Variants in RHOH observed in about 807,000 individuals in gnomAD.
RHOH encodes ras homolog family member H, also known as rho-related GTP-binding protein RhoH.
Under a neutral mutation model 13.8 loss-of-function variants are expected in RHOH, and 6 were observed. That is an observed-to-expected ratio of 0.44 (90% CI 0.24 to 0.86). The LOEUF (loss-of-function observed/expected upper bound fraction) is 0.86. Ranked by LOEUF, RHOH falls within the 40% of genes least tolerant of loss-of-function variation. The pLI, the probability that RHOH is intolerant of heterozygous loss-of-function variation, is 0.24. For missense variants in RHOH, 147 were observed against 244.5 expected (o/e 0.60, Z 2.66); for synonymous variants, 117 against 103.0 (o/e 1.14, Z -0.82).
At position 40,246,824 on chromosome 4, in the gene RHOH, C is replaced by G. The variant is rs1310760906; in HGVS notation, c.*2862C>G. On this transcript the variant is annotated 3_prime_UTR_variant, in exon 3 of 3. Coordinates refer to ENST00000381799, the MANE Select transcript of RHOH (RefSeq NM_004310.5). ...TGTGTTCTACATAAGCACATACTTA[C>G]TTTTGCCTGCCTAGATGCAGACACA... 6.6e-6 allele frequency: 1 copy of G among 152,218 alleles called. No individual in the cohort carries two copies. The highest frequency in any genetic ancestry group is 6.5e-5 in the Admixed American group (1 of 15,274). The allele number at this position is 152,218 out of a possible 1,614,324, so 9.4% of individuals were successfully genotyped here. A position where few individuals can be genotyped will look rare whatever the true frequency, so the allele number is the denominator to read the frequency against.
intron 1 of RHOH, among the ~76,000 whole-genome samples, chr4:40,229,462 C>A (rs1217900312): frequency 2.6e-5 from 4 of 151,710 alleles, no homozygotes; most frequent in Non-Finnish European, 4.4e-5. Context: ...ATGGAGAAAC[C>A]CCGTCTCTAC....
In RHOH at chr4:40,243,586, G is replaced by A. The variant is rs1729524941; in HGVS notation, c.200G>A (p.Ser67Asn). 1 of 1,614,178 alleles carries A rather than the reference G, an allele frequency of 6.2e-7. No individual in the cohort carries two copies. Among genetic ancestry groups the A allele is most frequent in the Non-Finnish European group, 8.5e-7 (1 of 1,180,032 alleles). ...ACAGCCGGCAATGACGCCTTCAGAA[G>A]CATCCGGCCCCTGTCCTACCAGCAG... ...WDTAGNDAFR[S>N]IRPLSYQQAD... The change falls in exon 3 of 3, where the codon AGC becomes AAC. Residue 67 changes from serine (S) to asparagine (N), a missense_variant. Physicochemically the swap from Ser to Asn is conservative, Grantham distance 46. Coordinates refer to ENST00000381799, the MANE Select transcript of RHOH (RefSeq NM_004310.5). This position sits in a 1 kb window ranked among gnomAD's most constrained non-coding sequence, Gnocchi z 6.2.
At chr4:40,216,180 G>C (rs537205793) in intron 1 of RHOH, among the ~76,000 whole-genome samples, 1 of 145,136 alleles carries the variant, frequency 6.9e-6, no homozygotes, top group African/African-American at 2.6e-5. Context: ...TAAGAAAATG[G>C]TTTTTAGGCC....
At chr4:40,207,693 A>G (rs1367513316) in intron 1 of RHOH, among the ~76,000 whole-genome samples, 1 of 152,210 alleles carries the variant, frequency 6.6e-6, no homozygotes, top group African/African-American at 2.4e-5. Context: ...GTGGCCGGGC[A>G]CTGTGGCTCA....
chr4:40,204,569 T>C (rs796406439), intron 1 of RHOH, among the ~76,000 whole-genome samples: 28 of 152,244 alleles, frequency 1.8e-4, no homozygotes, highest in African/African-American at 6.3e-4. Flanking sequence ...TCCTAGGGGA[T>C]ATAAGGACCC....
chr4:40,213,963 G>A (rs1190270502), intron 1 of RHOH, among the ~76,000 whole-genome samples: 1 of 152,106 alleles, frequency 6.6e-6, no homozygotes, highest in Non-Finnish European at 1.5e-5. Flanking sequence ...CACCATGTTG[G>A]CCAGACTGCT....
chr4:40,233,658 A>G (rs1232611775), intron 1 of RHOH, among the ~76,000 whole-genome samples: 1 of 152,244 alleles, frequency 6.6e-6, no homozygotes, highest in African/African-American at 2.4e-5. Flanking sequence ...GTCATAGGCA[A>G]CATGTCAATG....
At chr4:40,227,362 T>C (rs1363381175) in intron 1 of RHOH, among the ~76,000 whole-genome samples, 1 of 152,218 alleles carries the variant, frequency 6.6e-6, no homozygotes, top group East Asian at 1.9e-4. Context: ...GGCTATACAA[T>C]GTAGGCATAA....
At chr4:40,239,693 A>ACAT (rs1433175019) in intron 1 of RHOH, among the ~76,000 whole-genome samples, 1 of 152,018 alleles carries the variant, frequency 6.6e-6, no homozygotes, top group Non-Finnish European at 1.5e-5. Context: ...AGTCTGGCCA[A>ACAT]CATGGTGAAA....
chr4:40,244,440 C>T lies in RHOH; in HGVS notation c.*478C>T, dbSNP rs1156816194. The stretch of plus-strand genomic sequence containing the variant: ...TATGTTTGTAGTGTTATTATTTTCA[C>T]CTCAAGTAGAAAGTCTGTTGAAACC... On this transcript the variant is annotated 3_prime_UTR_variant, in exon 3 of 3. Coordinates refer to ENST00000381799, the MANE Select transcript of RHOH (RefSeq NM_004310.5). 2 of 219,398 alleles carry T rather than the reference C, an allele frequency of 9.1e-6. No homozygotes were observed. The highest frequency in any genetic ancestry group is 2.0e-5 in the Non-Finnish European group (2 of 100,120). 13.6% of individuals were successfully genotyped at this position (219,398 alleles called of 1,614,324 possible). A position where few individuals can be genotyped will look rare whatever the true frequency, so the allele number is the denominator to read the frequency against.
chr4:40,192,702 T>A (rs1722753078), upstream of RHOH, among the ~76,000 whole-genome samples: 1 of 152,308 alleles, frequency 6.6e-6, no homozygotes, highest in African/African-American at 2.4e-5. Context: ...AAGTCTTTGC[T>A]TTTTCACCTT....
chr4:40,222,749 A>ATTAT (rs1279935008), intron 1 of RHOH, among the ~76,000 whole-genome samples: 1 of 152,238 alleles, frequency 6.6e-6, no homozygotes, highest in Non-Finnish European at 1.5e-5. Flanking sequence ...TTCAAATCTT[A>ATTAT]TTATTTAAGA....
At position 40,215,886 on chromosome 4, in the gene RHOH, G is replaced by T. The variant is rs1725818563; in HGVS notation, c.-331+18586G>T. On this transcript the variant is annotated intron_variant, in intron 1 of 2. Coordinates refer to ENST00000381799, the MANE Select transcript of RHOH (RefSeq NM_004310.5). ...GGTGAGCCAAAATCACGCCACTGCA[G>T]TCCAGCCTGGGTGACAGAGCGAGAC... is the stretch of plus-strand genomic sequence containing the variant. Among the ~76,000 whole-genome samples the T allele has an allele frequency of 3.9e-5, 6 of 152,046 alleles. No homozygotes were observed. The South Asian group carries it at 1.2e-3, about 32-fold the overall frequency.
In RHOH at chr4:40,243,785, C is replaced by T. The variant is rs375085869; in HGVS notation, c.399C>T (p.Ala133=). The change falls in exon 3 of 3, where the codon GCC becomes GCT. Residue 133 remains alanine (A), a synonymous_variant. Coordinates refer to ENST00000381799, the MANE Select transcript of RHOH (RefSeq NM_004310.5). The surrounding 1 kb of genome is among the most constrained non-coding windows in gnomAD (Gnocchi z 6.2). The part of the protein sequence containing the change: ...MGPHRASCVN[A]MEGKKLAQDV... Reference sequence around the variant, plus strand: ...CCCACAGGGCCTCCTGCGTCAATGCCATGGAAGGGAAGAAACTGGCCCAGG... The same window carrying T: ...CCCACAGGGCCTCCTGCGTCAATGCTATGGAAGGGAAGAAACTGGCCCAGG... 6.2e-7 allele frequency: 1 copy of T among 1,613,984 alleles called. No individual in the cohort carries two copies. Among genetic ancestry groups the T allele is most frequent in the African/African-American group, 1.3e-5 (1 of 74,920 alleles).
intron 1 of RHOH, among the ~76,000 whole-genome samples, chr4:40,211,758 A>G (rs561935178): frequency 9.2e-5 from 14 of 152,142 alleles, no homozygotes; most frequent in Non-Finnish European, 1.6e-4. Flanking sequence ...GTTTGTTTGT[A>G]AGAGATGAAA....
chr4:40,220,055 C>T (rs1878893), intron 1 of RHOH, among the ~76,000 whole-genome samples: 108,696 of 152,070 alleles, frequency 0.71, 39,140 homozygotes, highest in Non-Finnish European at 0.76. Flanking sequence ...TGGAGGTTAT[C>T]TTATACTTAA....
intron 1 of RHOH, among the ~76,000 whole-genome samples, chr4:40,217,676 C>T (rs928876497): frequency 2.6e-5 from 4 of 152,182 alleles, no homozygotes; most frequent in Admixed American, 2.6e-4. Context: ...GTCTTCCTCC[C>T]ACCTTATACA....
At chr4:40,223,767 G>GTTTTT (rs56144023) in intron 1 of RHOH, among the ~76,000 whole-genome samples, 12 of 83,910 alleles carry the variant, frequency 1.4e-4, no homozygotes, top group East Asian at 3.5e-4. Context: ...AACATAACTT[G>GTTTTT]TTTTTTTTTT....
Position 40,246,335 on chromosome 4 carries a change from A to G in RHOH, c.*2373A>G, listed in dbSNP as rs1215497785. 1 of 152,438 alleles carries G rather than the reference A, an allele frequency of 6.6e-6. No individual in the cohort carries two copies. The highest frequency in any genetic ancestry group is 2.4e-5 in the African/African-American group (1 of 41,434). The allele number at this position is 152,438 out of a possible 1,614,324, so 9.4% of individuals were successfully genotyped here. A position where few individuals can be genotyped will look rare whatever the true frequency, so the allele number is the denominator to read the frequency against. ...CACCATACATGATCCTAAGTGAAGGAAGAGGAGGTGGTTCCACGGTGGCAG... is the reference window on the plus strand; with the variant it reads ...CACCATACATGATCCTAAGTGAAGGGAGAGGAGGTGGTTCCACGGTGGCAG... On this transcript the variant is annotated 3_prime_UTR_variant, in exon 3 of 3. Transcript: ENST00000381799.
Sources: allele counts gnomAD v4.1 joint callset (sites outside exome capture counted in the v4.1 genomes callset), GRCh38; gene constraint gnomAD v4.1.1; non-coding constraint Gnocchi (gnomAD v3.1); transcripts MANE v1.5; gene names NCBI Gene and HGNC (gene_info 2026-07-23, HGNC 2026-07-21).